PCDH15: variants seen among roughly 807,000 people sequenced by gnomAD.
The protein encoded by PCDH15 is protocadherin related 15.
In PCDH15, 129 loss-of-function variants were observed where a neutral mutation model predicts 178.5. The ratio of observed to expected loss-of-function variants is 0.72; its 90% CI spans 0.63 to 0.84. The LOEUF (loss-of-function observed/expected upper bound fraction) is 0.84, where lower values mean the gene tolerates loss of function less well. Among genes scored for constraint, PCDH15 ranks in the 40% least tolerant of loss-of-function variants. The pLI is 0.00. For missense variants in PCDH15, 2,230 were observed against 2,099.9 expected (o/e 1.06, Z -1.21); for synonymous variants, 800 against 732.0 (o/e 1.09, Z -1.50).
intron 8 of PCDH15, among the ~76,000 whole-genome samples, chr10:54,278,909 A>G (rs2058506471): frequency 6.6e-6 from 1 of 151,588 alleles, no homozygotes; most frequent in Non-Finnish European, 1.5e-5. Context: ...ACTCACTTCA[A>G]CCTACCGCAT....
chr10:55,259,229 T>A (rs182412098), intron 1 of PCDH15, among the ~76,000 whole-genome samples: 1 of 152,262 alleles, frequency 6.6e-6, no homozygotes, highest in South Asian at 2.1e-4. Flanking sequence ...GGAGGTCTAG[T>A]AGTATTTGAA....
intron 19 of PCDH15, among the ~76,000 whole-genome samples, chr10:54,021,473 A>G (rs142538561): frequency 3.4e-3 from 521 of 152,100 alleles, no homozygotes; most frequent in African/African-American, 0.012. Context: ...AATCAACGCC[A>G]TTATCCTTAA....
At chr10:55,081,774 T>C (rs1842046539) in intron 2 of PCDH15, among the ~76,000 whole-genome samples, 3 of 152,208 alleles carry the variant, frequency 2.0e-5, no homozygotes, top group Admixed American at 2.0e-4. Flanking sequence ...ATTTCTGTCA[T>C]TTATAAGCTA....
intron 2 of PCDH15, among the ~76,000 whole-genome samples, chr10:55,582,024 A>C (rs531638727): frequency 6.6e-6 from 1 of 152,164 alleles, no homozygotes; most frequent in African/African-American, 2.4e-5. Flanking sequence ...TAATTGGGGA[A>C]TCCTGATCAC....
At chr10:55,144,326 C>A (rs1055459106) in intron 2 of PCDH15, among the ~76,000 whole-genome samples, 3 of 151,798 alleles carry the variant, frequency 2.0e-5, no homozygotes, top group South Asian at 2.1e-4. Flanking sequence ...TAGAACAAGT[C>A]CTAGAGCTCA....
At chr10:54,812,206 A>G (rs992515894) in intron 3 of PCDH15, among the ~76,000 whole-genome samples, 1 of 152,130 alleles carries the variant, frequency 6.6e-6, no homozygotes, top group Non-Finnish European at 1.5e-5. Flanking sequence ...CAGCTTAAAA[A>G]AACAAAAAGT....
At chr10:54,766,435 T>C (rs1470317512) in intron 1 of PCDH15, among the ~76,000 whole-genome samples, 1 of 152,096 alleles carries the variant, frequency 6.6e-6, no homozygotes, top group Non-Finnish European at 1.5e-5. Context: ...TAATTACCAT[T>C]TAAAGCTTAT....
chr10:53,852,238 C>A (rs1221367595), intron 28 of PCDH15, among the ~76,000 whole-genome samples: 1 of 151,906 alleles, frequency 6.6e-6, no homozygotes, highest in African/African-American at 2.4e-5. Flanking sequence ...AGTTACGTGT[C>A]CCTACTGTTA....
intron 25 of PCDH15, among the ~76,000 whole-genome samples, chr10:53,911,190 A>G (rs189365427): frequency 1.7e-3 from 263 of 152,272 alleles, no homozygotes; most frequent in Non-Finnish European, 3.0e-3. Flanking sequence ...TTATTCCAAA[A>G]TTGACCACAT....
At chr10:54,977,688 C>T (rs1208491190) in intron 2 of PCDH15, among the ~76,000 whole-genome samples, 2 of 151,904 alleles carry the variant, frequency 1.3e-5, no homozygotes, top group African/African-American at 4.8e-5. Flanking sequence ...TTTTTATTTT[C>T]CAATAAACTC....
chr10:54,998,850 T>A (rs1234562005), intron 2 of PCDH15, among the ~76,000 whole-genome samples: 5 of 152,188 alleles, frequency 3.3e-5, no homozygotes, highest in Non-Finnish European at 7.4e-5. Context: ...TTTTGTAGAC[T>A]TAAAGATATT....
chr10:55,594,335 A>T (rs1177295170), intron 2 of PCDH15, among the ~76,000 whole-genome samples: 1 of 151,986 alleles, frequency 6.6e-6, no homozygotes, highest in Non-Finnish European at 1.5e-5. Flanking sequence ...GTTTGATGCA[A>T]ATAAATAAGA....
At chr10:54,280,752 T>A (rs1003926213) in intron 8 of PCDH15, among the ~76,000 whole-genome samples, 3 of 151,734 alleles carry the variant, frequency 2.0e-5, no homozygotes, top group Non-Finnish European at 2.9e-5. Flanking sequence ...ATGTTCCTAC[T>A]CAAAAGAGAT....
intron 15 of PCDH15, among the ~76,000 whole-genome samples, chr10:54,097,385 A>G (rs1272053428): frequency 6.6e-6 from 1 of 152,102 alleles, no homozygotes; most frequent in Non-Finnish European, 1.5e-5. Flanking sequence ...TTACCTTTGC[A>G]CCTGAAATAC....
Position 54,317,281 on chromosome 10 carries a change from A to G in PCDH15, c.866T>C (p.Leu289Ser), listed in dbSNP as rs2061334645. Residue 289 changes from leucine to serine, a missense_variant, in exon 8 of 38, where the codon TTG becomes TCG. Transcript: ENST00000644397. The stretch of plus-strand genomic sequence containing the variant: ...TAAGAGTATATTTACCGGAGTTCTC[A>G]ACTCAGGTATGGCAGCTTGATAAGT... ...PLTYQAAIPE[L>S]RTPEELNPII... The G allele has an allele frequency of 6.2e-7, 1 of 1,613,644 alleles. No homozygotes were observed. The highest frequency in any genetic ancestry group is 1.3e-5 in the African/African-American group (1 of 74,906).
intron 27 of PCDH15, among the ~76,000 whole-genome samples, chr10:53,859,238 A>T (rs1014878153): frequency 7.9e-5 from 12 of 152,146 alleles, no homozygotes; most frequent in African/African-American, 2.4e-4. Flanking sequence ...GCCTCAGGAC[A>T]GAGGAGCTTT....
intron 2 of PCDH15, among the ~76,000 whole-genome samples, chr10:54,905,059 T>C (rs1954697019): frequency 6.6e-6 from 1 of 151,880 alleles, no homozygotes; most frequent in Non-Finnish European, 1.5e-5. Context: ...CAAATTCATA[T>C]AAGAAAACCA....
intron 2 of PCDH15, among the ~76,000 whole-genome samples, chr10:55,160,142 A>G (rs538355921): frequency 1.2e-4 from 19 of 152,142 alleles, no homozygotes; most frequent in Admixed American, 1.2e-3. Context: ...ATATCAATGT[A>G]AAAATTTGTG....
chr10:54,864,150 T>G (rs1286829157), intron 3 of PCDH15, among the ~76,000 whole-genome samples: 3 of 152,136 alleles, frequency 2.0e-5, no homozygotes, highest in African/African-American at 4.8e-5. Context: ...TCTGTGATAT[T>G]TTCATACACT....
Sources: allele counts gnomAD v4.1 joint callset (sites outside exome capture counted in the v4.1 genomes callset), GRCh38; gene constraint gnomAD v4.1.1; transcripts MANE v1.5; gene names NCBI Gene and HGNC (gene_info 2026-07-23, HGNC 2026-07-21).